Variants in VPS72 observed in about 807,000 individuals in gnomAD.
The protein encoded by VPS72 is vacuolar protein sorting-associated protein 72 homolog.
A neutral mutation model predicts 38.9 loss-of-function variants in VPS72; 27 were observed. That is an observed-to-expected ratio of 0.69 (90% confidence interval 0.51 to 0.96). VPS72 has a LOEUF of 0.96. VPS72 is among the 40% of genes least tolerant of loss of function. The pLI is 0.00. For synonymous variants in VPS72, 173 were observed against 186.3 expected, an observed-to-expected ratio of 0.93 and a Z score of 0.58; for missense variants, 360 against 479.5, an observed-to-expected ratio of 0.75 and a Z score of 2.33.
Position 151,190,038 on chromosome 1 carries a change from C to T in VPS72, c.84G>A (p.Glu28=). The change falls in exon 1 of 6, where the codon GAG becomes GAA. Residue 28 remains glutamate, a synonymous_variant. Transcript: ENST00000368892. ...SGLLEAEEED[E]FYQTTYGGFT... ...AACCCCCATAAGTCGTCTGGTAGAA[C>T]TCATCTTCCTCCTCTGCCTCCAAAA... 1.2e-6 allele frequency: 2 copies of T among 1,614,122 alleles called. No individual in the cohort carries two copies. The highest frequency in any genetic ancestry group is 2.7e-5 in the African/African-American group (2 of 75,020).
chr1:151,183,880 T>C (rs1199661409), intron 4 of VPS72, among the ~76,000 whole-genome samples: 1 of 152,032 alleles, frequency 6.6e-6, no homozygotes, highest in African/African-American at 2.4e-5. Context: ...AAGTCAACAT[T>C]ATCACCCCCT....
At chr1:151,189,022 G>A (rs1684406863) in intron 1 of VPS72, among the ~76,000 whole-genome samples, 1 of 152,076 alleles carries the variant, frequency 6.6e-6, no homozygotes, top group Non-Finnish European at 1.5e-5. Flanking sequence ...AGAGACAGGG[G>A]GTTTTACCAT....
chr1:151,179,374 C>CG (rs1684185809), intron 4 of VPS72, among the ~76,000 whole-genome samples: 1 of 151,954 alleles, frequency 6.6e-6, no homozygotes, highest in African/African-American at 2.4e-5. Flanking sequence ...CCAAGGTGTG[C>CG]GGATCATGAG....
At chr1:151,185,104 C>T (rs1684321030) in intron 3 of VPS72, among the ~76,000 whole-genome samples, 1 of 152,046 alleles carries the variant, frequency 6.6e-6, no homozygotes, top group African/African-American at 2.4e-5. Context: ...TTTTCCTACC[C>T]ATAGTAAGTT....
chr1:151,177,962 C>A, intron 5 of VPS72, 39 bp downstream of exon 5: 1 of 1,603,870 alleles, frequency 6.2e-7, no homozygotes. Flanking sequence ...AGAACATGAG[C>A]TGAACACACA....
chr1:151,176,693 A>C lies in VPS72; in HGVS notation c.1046T>G (p.Leu349Arg). 6.2e-7 allele frequency: 1 copy of C among 1,614,042 alleles called. No individual in the cohort carries two copies. The highest frequency in any genetic ancestry group is 8.5e-7 in the Non-Finnish European group (1 of 1,179,992). Residue 349 changes from leucine (L) to arginine (R), a missense_variant, in exon 6 of 6, where the codon CTC becomes CGC. Transcript: ENST00000368892. ...CAAGGCTCGGGGCCCAGAGCCAGGGAGGGGCTCAGGAGGTGGCGGGCCGGG... is the reference window on the plus strand; with the variant it reads ...CAAGGCTCGGGGCCCAGAGCCAGGGCGGGGCTCAGGAGGTGGCGGGCCGGG... ...LGPGPPPPEPLPGSGPRALRQ... is the reference protein window; with the variant it reads ...LGPGPPPPEPRPGSGPRALRQ...
At chr1:151,180,180 G>A (rs760758868) in intron 4 of VPS72, among the ~76,000 whole-genome samples, 5 of 151,144 alleles carry the variant, frequency 3.3e-5, no homozygotes, top group East Asian at 4.0e-4. Flanking sequence ...TTAGCTGGGC[G>A]TGGTGGCTTG....
At position 151,178,009 on chromosome 1, in the gene VPS72, G is replaced by A; in HGVS notation, c.699C>T (p.Asp233=). Residue 233 remains aspartate, a synonymous_variant, in exon 5 of 6, where the codon GAC becomes GAT. Coordinates refer to ENST00000368892, the MANE Select transcript of VPS72 (RefSeq NM_005997.3). The part of the protein sequence containing the change: ...GEPGPKEENV[D]IEGLDPAPSV... ...TCTTGAGATTCACTCACCCTTCTATGTCAACGTTCTCTTCCTTGGGGCCTG... is the reference window on the plus strand; with the variant it reads ...TCTTGAGATTCACTCACCCTTCTATATCAACGTTCTCTTCCTTGGGGCCTG... 1.2e-6 allele frequency: 2 copies of A among 1,613,968 alleles called. No individual in the cohort carries two copies. The highest frequency in any genetic ancestry group is 2.2e-5 in the East Asian group (1 of 44,884).
Position 151,189,979 on chromosome 1 carries a change from T to A in VPS72, c.117+26A>T, listed in dbSNP as rs368333770. 7.9e-5 allele frequency: 128 copies of A among 1,612,020 alleles called. No individual in the cohort carries two copies. In the East Asian group the frequency reaches 2.5e-3, roughly 31 times the overall value. On this transcript the variant is annotated intron_variant, in intron 1 of 5. Coordinates refer to ENST00000368892, the MANE Select transcript of VPS72 (RefSeq NM_005997.3). ...CAGGGCTCCTCTTTGCCTCCTCCCC[T>A]CCCTTTTCCCAGGCCCGGATCTTGC...
At chr1:151,188,912 C>A (rs994205364) in intron 1 of VPS72, among the ~76,000 whole-genome samples, 7 of 152,118 alleles carry the variant, frequency 4.6e-5, no homozygotes, top group Admixed American at 2.0e-4. Flanking sequence ...CTCACTGCAA[C>A]CTCCTCCTCC....
chr1:151,176,692 G>A lies in VPS72; in HGVS notation c.1047C>T (p.Leu349=). Residue 349 remains leucine (L), a synonymous_variant, in exon 6 of 6, where the codon CTC becomes CTT. Coordinates refer to ENST00000368892, the MANE Select transcript of VPS72 (RefSeq NM_005997.3). ...GCAAGGCTCGGGGCCCAGAGCCAGG[G>A]AGGGGCTCAGGAGGTGGCGGGCCGG... ...LGPGPPPPEP[L]PGSGPRALRQ... is the part of the protein sequence containing the mutation. 1 of 1,614,146 alleles carries A rather than the reference G, an allele frequency of 6.2e-7. No individual in the cohort carries two copies. The highest frequency in any genetic ancestry group is 1.3e-5 in the African/African-American group (1 of 75,040).
chr1:151,185,516 G>A lies in VPS72; in HGVS notation c.375C>T (p.Asp125=), dbSNP rs367967799. 1.5e-5 allele frequency: 25 copies of A among 1,613,894 alleles called. No individual in the cohort carries two copies. Among genetic ancestry groups the A allele is most frequent in the African/African-American group, 1.3e-4 (10 of 74,884 alleles). The stretch of plus-strand genomic sequence containing the variant: ...AACATCCCTACTCACTGTCAGAGCC[G>A]TCATCTTGTAGTTCTAATGGCAGTA... ...KALLPLELQD[D]GSDSRKSMRQ... is the part of the protein sequence containing the mutation. The change falls in exon 3 of 6, where the codon GAC becomes GAT. Residue 125 remains aspartate (D), a synonymous_variant. Coordinates refer to ENST00000368892, the MANE Select transcript of VPS72 (RefSeq NM_005997.3).
chr1:151,180,001 A>G (rs893118366), intron 4 of VPS72, among the ~76,000 whole-genome samples: 1 of 151,950 alleles, frequency 6.6e-6, no homozygotes, highest in Non-Finnish European at 1.5e-5. Context: ...GATGAACACA[A>G]TTCCCTAAAG....
chr1:151,176,781 G>A lies in VPS72; in HGVS notation c.958C>T (p.Arg320Cys), dbSNP rs763229765. 5.6e-6 allele frequency: 9 copies of A among 1,614,210 alleles called. No individual in the cohort carries two copies. The highest frequency in any genetic ancestry group is 7.6e-6 in the Non-Finnish European group (9 of 1,180,044). ...GTAATGTACTTCTTGTAAGCCTCACGAATGATCTTGAAGGCTCGAGCAGTG... is the reference window on the plus strand; with the variant it reads ...GTAATGTACTTCTTGTAAGCCTCACAAATGATCTTGAAGGCTCGAGCAGTG... ...YATARAFKII[R>C]EAYKKYITAH... Residue 320 changes from arginine to cysteine, a missense_variant, in exon 6 of 6, where the codon CGT (arginine) becomes TGT (cysteine). By Grantham distance (180) the Arg-to-Cys change is radical. Coordinates refer to ENST00000368892, the MANE Select transcript of VPS72 (RefSeq NM_005997.3).
chr1:151,188,064 A>T (rs1337739794), intron 1 of VPS72, among the ~76,000 whole-genome samples: 3 of 149,202 alleles, frequency 2.0e-5, no homozygotes, highest in Non-Finnish European at 3.0e-5. Flanking sequence ...TTTTTTTGAG[A>T]CAGAGTCTCA....
Position 151,190,069 on chromosome 1 carries a change from G to A in VPS72, c.53C>T (p.Ser18Phe). The A allele has an allele frequency of 6.2e-7, 1 of 1,614,044 alleles. No individual in the cohort carries two copies. The highest frequency in any genetic ancestry group is 8.5e-7 in the Non-Finnish European group (1 of 1,180,014). The change falls in exon 1 of 6, where the codon TCT becomes TTT. Residue 18 changes from serine to phenylalanine, a missense_variant. By Grantham distance (155) the Ser-to-Phe change is radical. This residue lies in a region of VPS72 where 66 missense variants were observed against 123.1 expected (regional missense o/e 0.54). Coordinates refer to ENST00000368892, the MANE Select transcript of VPS72 (RefSeq NM_005997.3). ...TTCCTCCTCTGCCTCCAAAAGCCCA[G>A]AAAGCCGGTTCCCAGCGGTCTTCCG... Reference protein sequence around the residue: ...APRKTAGNRLSGLLEAEEEDE... With the variant: ...APRKTAGNRLFGLLEAEEEDE...
rs1403276577 is a variant in VPS72 at position 151,178,100 on chromosome 1, T to A, written c.608A>T (p.Lys203Met). The change falls in exon 5 of 6, where the codon AAG becomes ATG. Residue 203 changes from lysine (K) to methionine (M), a missense_variant. Coordinates refer to ENST00000368892, the MANE Select transcript of VPS72 (RefSeq NM_005997.3). ...TATGGGCCCGGGGCACTTCCGCTTC[T>A]TATGAACCTGCTTCTTTTTATCAGC... ...LEADKKKQVH[K>M]KRKCPGPIIT... The A allele has an allele frequency of 6.2e-7, 1 of 1,614,164 alleles. No homozygotes were observed. The highest frequency in any genetic ancestry group is 8.5e-7 in the Non-Finnish European group (1 of 1,180,034).
chr1:151,184,872 A>C (rs1684314901), intron 3 of VPS72, among the ~76,000 whole-genome samples: 1 of 152,160 alleles, frequency 6.6e-6, no homozygotes, highest in African/African-American at 2.4e-5. Flanking sequence ...GGCATGAGCA[A>C]CCGTGCCTGG....
chr1:151,179,921 T>A (rs1684202809), intron 4 of VPS72, among the ~76,000 whole-genome samples: 1 of 151,750 alleles, frequency 6.6e-6, no homozygotes, highest in South Asian at 2.1e-4. Flanking sequence ...CGAAAAAAAA[T>A]GAATCAAAAT....
Sources: gnomAD v4.1 joint callset for allele counts (sites outside exome capture counted in the v4.1 genomes callset) on GRCh38, gnomAD v4.1.1 for gene constraint, gnomAD v4.1.1 regional missense constraint, MANE v1.5 for transcripts, NCBI Gene and HGNC (gene_info 2026-07-23, HGNC 2026-07-21) for gene names.